Variants in KHDRBS3 observed in about 807,000 individuals in gnomAD.
KHDRBS3 encodes KH domain-containing, RNA-binding, signal transduction-associated protein 3.
A neutral mutation model predicts 45.6 loss-of-function variants in KHDRBS3; 23 were observed. That is an observed-to-expected ratio of 0.50 (90% CI 0.36 to 0.72). KHDRBS3 has a LOEUF of 0.72. KHDRBS3 is among the 30% of genes least tolerant of loss of function. KHDRBS3 has a pLI of 0.00. For missense variants in KHDRBS3, 352 were observed against 424.8 expected (o/e 0.83, Z 1.51); for synonymous variants, 162 against 156.5 (o/e 1.04, Z -0.26).
Position 135,582,008 on chromosome 8 carries a change from G to T in KHDRBS3, c.742G>T (p.Gly248Ter). 1 of 1,612,868 alleles carries T rather than the reference G, an allele frequency of 6.2e-7. No individual in the cohort carries two copies. Among genetic ancestry groups the T allele is most frequent in the Non-Finnish European group, 8.5e-7 (1 of 1,179,400 alleles). ...AGGACTTCTCACTCCCAGAGCAAGA[G>T]GAGTCCCCCCAACTGGGTACAGACC... Reference protein sequence around the residue: ...GRGLLTPRARGVPPTGYRPPP... With the variant: ...GRGLLTPRAR The change falls in exon 6 of 9, where the codon GGA becomes TGA. Residue 248 changes from glycine (G) to a stop codon, truncating the protein, a stop_gained. Transcript: ENST00000355849. LOFTEE classifies it high-confidence loss of function.
intron 4 of KHDRBS3, among the ~76,000 whole-genome samples, chr8:135,654,598 GA>G (rs1409273646): frequency 1.3e-5 from 2 of 152,170 alleles, no homozygotes; most frequent in Admixed American, 6.5e-5. Flanking sequence ...GTCCAGTAAG[GA>G]CACCTCCTGG....
intron 6 of KHDRBS3, 76 bp downstream of exon 6, chr8:135,582,149 G>A (rs919946231): frequency 1.3e-5 from 17 of 1,342,218 alleles, no homozygotes; most frequent in Middle Eastern, 5.6e-4. Context: ...TATTGTACCC[G>A]CGTACGCTTC....
At chr8:135,590,726 A>G (rs1049273753) in intron 6 of KHDRBS3, among the ~76,000 whole-genome samples, 12 of 152,250 alleles carry the variant, frequency 7.9e-5, no homozygotes, top group African/African-American at 2.2e-4. Context: ...ATGTTTTACA[A>G]AATGAGATTT....
intron 7 of KHDRBS3, among the ~76,000 whole-genome samples, chr8:135,618,960 C>T (rs970783138): frequency 1.3e-5 from 2 of 152,180 alleles, no homozygotes; most frequent in African/African-American, 2.4e-5. Flanking sequence ...TGATCATTGG[C>T]ACCTTCGTTA....
intron 6 of KHDRBS3, among the ~76,000 whole-genome samples, chr8:135,589,432 C>T (rs1225664134): frequency 6.6e-6 from 1 of 152,198 alleles, no homozygotes; most frequent in African/African-American, 2.4e-5. Flanking sequence ...TTTCATCCTC[C>T]TGTTGACTAA....
chr8:135,582,224 A>C, intron 6 of KHDRBS3, 151 bp downstream of exon 6: 1 of 725,070 alleles, frequency 1.4e-6, no homozygotes, highest in East Asian at 3.2e-5. Context: ...AGTGCTAAAG[A>C]AGTACTTAAT....
intron 3 of KHDRBS3, among the ~76,000 whole-genome samples, chr8:135,544,067 G>T (rs975166352): frequency 2.6e-5 from 4 of 152,044 alleles, no homozygotes; most frequent in Non-Finnish European, 4.4e-5. Context: ...CATATATTTG[G>T]CCAGTTGGTC....
intron 1 of KHDRBS3, among the ~76,000 whole-genome samples, chr8:135,476,984 T>C (rs1822322325): frequency 6.6e-6 from 1 of 152,144 alleles, no homozygotes; most frequent in Non-Finnish European, 1.5e-5. Context: ...AGAGAAGAGA[T>C]TATTATTTAA....
chr8:135,480,989 A>G (rs1822535736), intron 1 of KHDRBS3, among the ~76,000 whole-genome samples: 2 of 152,002 alleles, frequency 1.3e-5, no homozygotes, highest in Admixed American at 6.6e-5. Context: ...CACCAGCATT[A>G]TTCTTCTCCC....
At chr8:135,590,442 G>C (rs1828694768) in intron 6 of KHDRBS3, among the ~76,000 whole-genome samples, 1 of 152,086 alleles carries the variant, frequency 6.6e-6, no homozygotes, top group South Asian at 2.1e-4. Flanking sequence ...GCAAAATAGT[G>C]GTGATGATAC....
intron 2 of KHDRBS3, among the ~76,000 whole-genome samples, chr8:135,533,506 A>G (rs1382689432): frequency 1.3e-5 from 2 of 152,174 alleles, no homozygotes; most frequent in Non-Finnish European, 2.9e-5. Context: ...ATACACACAC[A>G]GTACCCATTG....
intron 6 of KHDRBS3, among the ~76,000 whole-genome samples, chr8:135,595,687 C>T (rs1828941439): frequency 6.6e-6 from 1 of 152,220 alleles, no homozygotes; most frequent in African/African-American, 2.4e-5. Flanking sequence ...GGACTAAAGA[C>T]ACTTGGCATC....
chr8:135,547,387 G>C (rs9644459), intron 3 of KHDRBS3, among the ~76,000 whole-genome samples: 121,752 of 152,114 alleles, frequency 0.8, 49,250 homozygotes, highest in East Asian at 0.96. Context: ...ATAAAGCTGT[G>C]CCTTGTATTC....
intron 1 of KHDRBS3, among the ~76,000 whole-genome samples, chr8:135,516,557 T>C (rs909506550): frequency 2.9e-5 from 4 of 138,926 alleles, no homozygotes; most frequent in Non-Finnish European, 6.2e-5. Context: ...TAAGTAAACA[T>C]TTGTTTCTTA....
At chr8:135,501,086 G>T (rs1030492587) in intron 1 of KHDRBS3, among the ~76,000 whole-genome samples, 6 of 152,154 alleles carry the variant, frequency 3.9e-5, no homozygotes, top group African/African-American at 1.4e-4. Flanking sequence ...ATTGAAAAGT[G>T]CCTCAACTGT....
chr8:135,562,443 A>G (rs1329391709), intron 5 of KHDRBS3, among the ~76,000 whole-genome samples: 1 of 152,206 alleles, frequency 6.6e-6, no homozygotes, highest in African/African-American at 2.4e-5. Context: ...TTATGTAAGT[A>G]CACTCTGTGA....
At chr8:135,591,063 A>G (rs1329476066) in intron 6 of KHDRBS3, among the ~76,000 whole-genome samples, 1 of 152,192 alleles carries the variant, frequency 6.6e-6, no homozygotes, top group African/African-American at 2.4e-5. Flanking sequence ...TGTTTGTTGA[A>G]CAGAGTGTGG....
chr8:135,607,747 G>A (rs1243331558), intron 7 of KHDRBS3, among the ~76,000 whole-genome samples: 1 of 152,198 alleles, frequency 6.6e-6, no homozygotes, highest in Non-Finnish European at 1.5e-5. Context: ...TATTGGCTTT[G>A]TAGTGATTCT....
intron 6 of KHDRBS3, among the ~76,000 whole-genome samples, chr8:135,604,099 A>G (rs960672413): frequency 1.3e-5 from 2 of 151,792 alleles, no homozygotes; most frequent in African/African-American, 4.8e-5. Context: ...TGTTACATAT[A>G]TTTTTTATAT....
Sources: gnomAD v4.1 joint callset for allele counts (sites outside exome capture counted in the v4.1 genomes callset) on GRCh38, gnomAD v4.1.1 for gene constraint, MANE v1.5 for transcripts, NCBI Gene and HGNC (gene_info 2026-07-23, HGNC 2026-07-21) for gene names.